SYN2: variants seen among roughly 807,000 people sequenced by gnomAD.
The protein encoded by SYN2 is synapsin II.
A neutral mutation model predicts 50.9 loss-of-function variants in SYN2; 19 were observed. That is an observed-to-expected ratio of 0.37 (90% CI 0.26 to 0.55). SYN2 has a LOEUF of 0.55. SYN2 is among the 20% of genes least tolerant of loss of function. SYN2 has a pLI of 0.81. For synonymous variants in SYN2, 255 were observed against 224.9 expected (o/e 1.13, Z -1.20); for missense variants, 587 against 576.4 (o/e 1.02, Z -0.19).
chr3:12,121,371 GGAAT>G (rs761803807), intron 1 of SYN2, among the ~76,000 whole-genome samples: 27 of 152,146 alleles, frequency 1.8e-4, no homozygotes, highest in Non-Finnish European at 2.2e-4. Flanking sequence ...AAATATTTAT[GGAAT>G]GAATGAGTAA....
intron 10 of SYN2, among the ~76,000 whole-genome samples, chr3:12,178,022 C>G (rs1023876355): frequency 6.6e-6 from 1 of 152,188 alleles, no homozygotes; most frequent in Non-Finnish European, 1.5e-5. Context: ...ACTGCAGGGG[C>G]AAGCCCAGAA....
intron 1 of SYN2, among the ~76,000 whole-genome samples, chr3:12,014,852 A>G (rs535538815): frequency 1.3e-5 from 2 of 152,328 alleles, no homozygotes; most frequent in Admixed American, 1.3e-4. Flanking sequence ...CCCCATTCTA[A>G]GGGCTCTTCA....
intron 1 of SYN2, among the ~76,000 whole-genome samples, chr3:12,050,918 G>A (rs1381948256): frequency 3.4e-5 from 5 of 148,686 alleles, no homozygotes; most frequent in African/African-American, 1.2e-4. Context: ...TGTATTTTTA[G>A]TAGAGACGGG....
chr3:12,025,007 C>A (rs1694223757), intron 1 of SYN2, among the ~76,000 whole-genome samples: 1 of 152,296 alleles, frequency 6.6e-6, no homozygotes, highest in Admixed American at 6.5e-5. Context: ...TCTCACAGTT[C>A]TGGAGGCTGA....
chr3:12,040,225 A>G (rs1337804447), intron 1 of SYN2, among the ~76,000 whole-genome samples: 1 of 152,132 alleles, frequency 6.6e-6, no homozygotes, highest in Non-Finnish European at 1.5e-5. Context: ...TGGGCTGGCA[A>G]CTGTGTAGTT....
chr3:12,144,065 T>C (rs531963495), intron 3 of SYN2, among the ~76,000 whole-genome samples: 2 of 152,356 alleles, frequency 1.3e-5, no homozygotes, highest in Non-Finnish European at 2.9e-5. Context: ...ATGACTCTGC[T>C]GAGGCTTAGT....
intron 1 of SYN2, among the ~76,000 whole-genome samples, chr3:12,013,635 A>G (rs1264137752): frequency 6.6e-6 from 1 of 152,192 alleles, no homozygotes; most frequent in African/African-American, 2.4e-5. Flanking sequence ...ACCGATGGTC[A>G]CCTATTTCAA....
At chr3:12,033,735 T>C (rs906729822) in intron 1 of SYN2, among the ~76,000 whole-genome samples, 8 of 152,222 alleles carry the variant, frequency 5.3e-5, no homozygotes, top group African/African-American at 1.9e-4. Flanking sequence ...TTGCTTATTA[T>C]AAGCATTTCA....
At chr3:12,114,937 T>A (rs1300841361) in intron 1 of SYN2, among the ~76,000 whole-genome samples, 1 of 152,142 alleles carries the variant, frequency 6.6e-6, no homozygotes, top group African/African-American at 2.4e-5. Context: ...AACTTTCTGT[T>A]CTGTCACCCC....
At chr3:12,168,906 T>C (rs560658179) in intron 9 of SYN2, among the ~76,000 whole-genome samples, 5 of 152,288 alleles carry the variant, frequency 3.3e-5, no homozygotes, top group African/African-American at 9.6e-5. Flanking sequence ...AGCCTGGTCC[T>C]CTAACACAAC....
Position 12,162,153 on chromosome 3 carries a change from A to G in SYN2, c.979A>G (p.Met327Val), listed in dbSNP as rs1163873642. The change falls in exon 7 of 13, where the codon ATG (methionine) becomes GTG (valine). Residue 327 changes from methionine to valine, a missense_variant and splice_region_variant. Met to Val is a conservative substitution (Grantham distance 21). Coordinates refer to ENST00000621198, the MANE Select transcript of SYN2 (RefSeq NM_133625.6). ...QKIGNNYKAYMRTSISGNWKT... is the reference protein window; with the variant it reads ...QKIGNNYKAYVRTSISGNWKT... Reference sequence around the variant, plus strand: ...GATTGGCAACAACTACAAGGCTTACATGTGAGTAAGAGTGGGGTATGTTTT... The same window carrying G: ...GATTGGCAACAACTACAAGGCTTACGTGTGAGTAAGAGTGGGGTATGTTTT... 1.9e-6 allele frequency: 3 copies of G among 1,614,068 alleles called. No homozygotes were observed. The highest frequency in any genetic ancestry group is 1.3e-5 in the African/African-American group (1 of 75,044).
chr3:12,164,991 T>A (rs1312446305), intron 7 of SYN2, among the ~76,000 whole-genome samples: 2 of 141,644 alleles, frequency 1.4e-5, no homozygotes, highest in Non-Finnish European at 3.1e-5. Context: ...TTTCTTTTTT[T>A]TTTTTTTTTT....
At chr3:12,183,484 A>C (rs539926039) in intron 11 of SYN2, 112 bp downstream of exon 11, 2 of 1,603,402 alleles carry the variant, frequency 1.2e-6, no homozygotes, top group Middle Eastern at 1.7e-4. Context: ...TTTAAGCCAA[A>C]AACAAACGAA....
intron 1 of SYN2, among the ~76,000 whole-genome samples, chr3:12,063,972 A>G (rs906532933): frequency 3.5e-5 from 5 of 143,914 alleles, no homozygotes; most frequent in African/African-American, 4.9e-5. Context: ...CAAAGAGTAC[A>G]GTAGGGAAAG....
chr3:12,124,563 C>G (rs1244849934), intron 1 of SYN2, among the ~76,000 whole-genome samples: 1 of 152,086 alleles, frequency 6.6e-6, no homozygotes, highest in Non-Finnish European at 1.5e-5. Context: ...AACTAAATGT[C>G]CATCATAACA....
At chr3:12,019,529 T>C (rs559970621) in intron 1 of SYN2, among the ~76,000 whole-genome samples, 15 of 152,180 alleles carry the variant, frequency 9.9e-5, no homozygotes, top group Non-Finnish European at 2.1e-4. Flanking sequence ...GTCTACTCTT[T>C]GAAAGAATAA....
chr3:12,074,508 G>T (rs1191164714), intron 1 of SYN2, among the ~76,000 whole-genome samples: 5 of 152,052 alleles, frequency 3.3e-5, no homozygotes, highest in Non-Finnish European at 5.9e-5. Context: ...TTTTAAAGTT[G>T]CAGTTGACTT....
chr3:12,179,391 A>C (rs1343041689), intron 10 of SYN2, among the ~76,000 whole-genome samples: 11 of 151,572 alleles, frequency 7.3e-5, no homozygotes, highest in Admixed American at 2.6e-4. Flanking sequence ...AAAAAAAAAA[A>C]AAAAAAGCAT....
chr3:12,058,988 A>G (rs1695056306), intron 1 of SYN2, among the ~76,000 whole-genome samples: 1 of 152,200 alleles, frequency 6.6e-6, no homozygotes, highest in Non-Finnish European at 1.5e-5. Context: ...ACTGAAGTGT[A>G]TCTAAATCTA....
Sources: allele counts gnomAD v4.1 joint callset (sites outside exome capture counted in the v4.1 genomes callset), GRCh38; gene constraint gnomAD v4.1.1; transcripts MANE v1.5; gene names NCBI Gene and HGNC (gene_info 2026-07-23, HGNC 2026-07-21).